SHISA9: variants seen among roughly 807,000 people sequenced by gnomAD.
SHISA9 encodes the protein protein shisa-9.
In SHISA9, 13 loss-of-function variants were observed where a neutral mutation model predicts 38.0. The ratio of observed to expected loss-of-function variants is 0.34; its 90% CI spans 0.22 to 0.54. The LOEUF (loss-of-function observed/expected upper bound fraction) is 0.54, where lower values mean the gene tolerates loss of function less well. Ranked by LOEUF, SHISA9 falls within the 20% of genes least tolerant of loss-of-function variation. The pLI, the probability that SHISA9 is intolerant of heterozygous loss-of-function variation, is 0.91. For missense variants in SHISA9, 538 were observed against 575.8 expected (o/e 0.93, Z 0.67); for synonymous variants, 275 against 242.0 (o/e 1.14, Z -1.27).
At chr16:13,442,535 C>T in the SHISA9 span, among the ~76,000 whole-genome samples, 16 of 152,256 alleles carry the variant, frequency 1.1e-4, no homozygotes, top group South Asian at 2.9e-3. Context: ...CTCGAACTGA[C>T]TTCAGGTGAT....
intron 2 of SHISA9, among the ~76,000 whole-genome samples, chr16:13,069,947 G>A (rs1389855401): frequency 2.6e-5 from 4 of 152,190 alleles, no homozygotes; most frequent in East Asian, 3.9e-4. Flanking sequence ...TGGTCTTCCC[G>A]GCCTGCAGAA....
the SHISA9 span, among the ~76,000 whole-genome samples, chr16:13,483,349 G>A: frequency 6.6e-6 from 1 of 152,118 alleles, no homozygotes; most frequent in South Asian, 2.1e-4. Context: ...GAGTGGATCC[G>A]AACACTTTAC....
chr16:12,942,903 C>A (rs182899884), intron 2 of SHISA9, among the ~76,000 whole-genome samples: 1 of 152,260 alleles, frequency 6.6e-6, no homozygotes, highest in East Asian at 1.9e-4. Context: ...TAGGTCTCAA[C>A]AGATGTTCTC....
chr16:13,132,906 G>T (rs1301713287), intron 2 of SHISA9, among the ~76,000 whole-genome samples: 3 of 152,174 alleles, frequency 2.0e-5, no homozygotes, highest in Non-Finnish European at 4.4e-5. Context: ...TGACTGGGGT[G>T]GGGCCAGTGG....
intron 2 of SHISA9, among the ~76,000 whole-genome samples, chr16:13,049,196 G>GTGTGTGTGTGTGTGTGTT (rs1470308261): frequency 4.1e-5 from 6 of 145,676 alleles, no homozygotes; most frequent in Non-Finnish European, 6.0e-5. Context: ...GTGTGTGTGT[G>GTGTGTGTGTGTGTGTGTT]TGTGTGTGTA....
chr16:13,325,193 T>G, the SHISA9 span, among the ~76,000 whole-genome samples: 1 of 152,210 alleles, frequency 6.6e-6, no homozygotes, highest in Non-Finnish European at 1.5e-5. Context: ...AGAGATGGCT[T>G]TCAGAGCCAT....
intron 2 of SHISA9, among the ~76,000 whole-genome samples, chr16:13,143,427 A>C (rs533303132): frequency 6.6e-6 from 1 of 152,320 alleles, no homozygotes; most frequent in African/African-American, 2.4e-5. Flanking sequence ...CCATCCAGGA[A>C]GGAAGCAGTT....
At chr16:13,434,025 C>G in the SHISA9 span, among the ~76,000 whole-genome samples, 505 of 152,200 alleles carry the variant, frequency 3.3e-3, 7 homozygotes, top group Non-Finnish European at 1.9e-3. Context: ...AGCAAGATAC[C>G]CAGTACGAGT....
chr16:13,312,904 C>T, the SHISA9 span, among the ~76,000 whole-genome samples: 1 of 152,054 alleles, frequency 6.6e-6, no homozygotes, highest in African/African-American at 2.4e-5. Context: ...TTATAGCTAA[C>T]AGAAGTTGAG....
intron 4 of SHISA9, among the ~76,000 whole-genome samples, chr16:13,223,837 CAA>C (rs1490524626): frequency 6.6e-6 from 1 of 152,138 alleles, no homozygotes; most frequent in Non-Finnish European, 1.5e-5. Flanking sequence ...GTCAAAGAAG[CAA>C]TATTCATTGT....
chr16:13,279,950 A>G, the SHISA9 span, among the ~76,000 whole-genome samples: 2 of 151,736 alleles, frequency 1.3e-5, no homozygotes, highest in African/African-American at 4.8e-5. Context: ...TATTTTGGTA[A>G]ATTGTGTCTT....
the SHISA9 span, among the ~76,000 whole-genome samples, chr16:13,482,992 G>C: frequency 6.6e-6 from 1 of 152,138 alleles, no homozygotes; most frequent in Non-Finnish European, 1.5e-5. Context: ...AATGTTTACT[G>C]GGAGCCAAGA....
At chr16:13,151,011 G>A (rs929761547) in intron 2 of SHISA9, among the ~76,000 whole-genome samples, 1 of 152,052 alleles carries the variant, frequency 6.6e-6, no homozygotes, top group Non-Finnish European at 1.5e-5. Flanking sequence ...AATTATTACC[G>A]ACTTCACTTT....
intron 2 of SHISA9, among the ~76,000 whole-genome samples, chr16:13,134,607 G>A (rs1286049488): frequency 6.6e-6 from 1 of 152,148 alleles, no homozygotes; most frequent in African/African-American, 2.4e-5. Context: ...TGAGGTGGAG[G>A]TGAGTATGGT....
At chr16:13,249,003 C>T in the SHISA9 span, among the ~76,000 whole-genome samples, 1 of 152,198 alleles carries the variant, frequency 6.6e-6, no homozygotes, top group South Asian at 2.1e-4. Flanking sequence ...GAGATGGAAA[C>T]TTCTAGCTAC....
chr16:13,463,752 CAAA>C, the SHISA9 span, among the ~76,000 whole-genome samples: 1 of 152,170 alleles, frequency 6.6e-6, no homozygotes, highest in South Asian at 2.1e-4. Flanking sequence ...AAATATCGAG[CAAA>C]TGGGCTAATC....
chr16:13,252,228 C>T, the SHISA9 span, among the ~76,000 whole-genome samples: 1 of 152,322 alleles, frequency 6.6e-6, no homozygotes. Flanking sequence ...GGCCTCCTTG[C>T]TGTTCCTCAA....
chr16:13,197,516 C>T (rs989033484), intron 2 of SHISA9: 2 of 152,000 alleles, frequency 1.3e-5, no homozygotes, highest in Non-Finnish European at 2.9e-5. Flanking sequence ...GTTACCTTGG[C>T]GCAAGTCTGC....
the SHISA9 span, chr16:13,562,883 G>A: frequency 9.3e-5 from 14 of 151,328 alleles, no homozygotes; most frequent in South Asian, 4.2e-4. Context: ...CTGAAAGCTC[G>A]ATAGGGAAAC....
Sources: allele counts gnomAD v4.1 joint callset (sites outside exome capture counted in the v4.1 genomes callset), GRCh38; gene constraint gnomAD v4.1.1; transcripts MANE v1.5; gene names NCBI Gene and HGNC (gene_info 2026-07-23, HGNC 2026-07-21).